The following CCNH variants were observed in gnomAD, a reference collection of about 807,000 sequenced individuals.
The protein encoded by CCNH is cyclin H.
A neutral mutation model predicts 41.9 loss-of-function variants in CCNH; 31 were observed. The ratio of observed to expected loss-of-function variants is 0.74; its 90% CI spans 0.56 to 1.00. The LOEUF is 1.00. Among genes scored for constraint, CCNH ranks in the 50% least tolerant of loss-of-function variants. The pLI is 0.00. For synonymous variants in CCNH, 138 were observed against 136.1 expected (o/e 1.01, Z -0.10); for missense variants, 362 against 388.4 (o/e 0.93, Z 0.57).
chr5:87,347,589 A>G (rs1758953418), intron 9 of CCNH, among the ~76,000 whole-genome samples: 1 of 152,008 alleles, frequency 6.6e-6, no homozygotes, highest in Non-Finnish European at 1.5e-5. Context: ...TATAGAGGTA[A>G]TCTGAATTGT....
At chr5:87,346,651 C>G in intron 9 of CCNH, 1 of 1,467,922 alleles carries the variant, frequency 6.8e-7, no homozygotes, top group Non-Finnish European at 9.5e-7. Flanking sequence ...ATTTATATAT[C>G]TAATTTATTC....
At chr5:87,374,459 A>ATTTTTTTTTTT (rs770426797), downstream of CCNH, 2 of 164,174 alleles carry the variant, frequency 1.2e-5, no homozygotes, top group African/African-American at 3.0e-5. Context: ...ATATATATAT[A>ATTTTTTTTTTT]TTTTTTTTTT....
At chr5:87,358,246 A>T (rs1219308624) in intron 9 of CCNH, among the ~76,000 whole-genome samples, 2 of 152,184 alleles carry the variant, frequency 1.3e-5, no homozygotes, top group Admixed American at 1.3e-4. Flanking sequence ...TTAGACAAAA[A>T]GGGTCCTTTT....
chr5:87,348,650 T>C, intron 9 of CCNH, among the ~76,000 whole-genome samples: 1 of 151,954 alleles, frequency 6.6e-6, no homozygotes. Flanking sequence ...ATTTTTTTTT[T>C]TTTAAGATGC....
At chr5:87,364,987 G>C (rs1760397504) in intron 9 of CCNH, among the ~76,000 whole-genome samples, 1 of 152,154 alleles carries the variant, frequency 6.6e-6, no homozygotes, top group Non-Finnish European at 1.5e-5. Context: ...ATGGATGTTG[G>C]AGAGGCAACA....
intron 1 of CCNH, among the ~76,000 whole-genome samples, chr5:87,412,176 C>T (rs1029266779): frequency 3.3e-5 from 5 of 152,192 alleles, no homozygotes; most frequent in Admixed American, 1.3e-4. Flanking sequence ...AAACGCCTCA[C>T]TTCCACTTAC....
intron 9 of CCNH, among the ~76,000 whole-genome samples, chr5:87,350,821 C>T (rs1026264964): frequency 6.6e-6 from 1 of 151,310 alleles, no homozygotes; most frequent in Non-Finnish European, 1.5e-5. Flanking sequence ...TTTATAAATT[C>T]ATCTTATTGT....
chr5:87,368,708 A>AT (rs1760710307), intron 9 of CCNH, among the ~76,000 whole-genome samples: 1 of 152,096 alleles, frequency 6.6e-6, no homozygotes, highest in Non-Finnish European at 1.5e-5. Flanking sequence ...TTTGTAGTTA[A>AT]TTTTTTAGCC....
chr5:87,411,271 A>G lies in CCNH; in HGVS notation c.193T>C (p.Leu65=), dbSNP rs140825596. ...GGCTTAAACACCGAACAGAATTCCAATAACCTTTTCTCATAGTATTTGCAG... is the reference window on the plus strand; with the variant it reads ...GGCTTAAACACCGAACAGAATTCCAGTAACCTTTTCTCATAGTATTTGCAG... ...TLCKYYEKRL[L]EFCSVFKPAM... Residue 65 remains leucine (L), a synonymous_variant, in exon 2 of 9, where the codon TTG becomes CTG. Coordinates refer to ENST00000256897, the MANE Select transcript of CCNH (RefSeq NM_001239.4). 353 of 1,613,008 alleles carry G rather than the reference A, an allele frequency of 2.2e-4. 1 individual carries two copies. The African/African-American group carries it at 4.2e-3, about 19-fold the overall frequency.
chr5:87,312,098 T>C, the CCNH span, among the ~76,000 whole-genome samples: 4 of 152,274 alleles, frequency 2.6e-5, no homozygotes, highest in Non-Finnish European at 4.4e-5. Flanking sequence ...AGATGATCAC[T>C]GCATGATGCA....
chr5:87,375,082 A>C (rs1275671359), downstream of CCNH, among the ~76,000 whole-genome samples: 1 of 152,196 alleles, frequency 6.6e-6, no homozygotes, highest in African/African-American at 2.4e-5. Context: ...TCAAGAAAGA[A>C]TATACCTAAG....
downstream of CCNH, chr5:87,393,638 C>CTACT (rs1466731790): frequency 4.6e-5 from 7 of 152,216 alleles, no homozygotes; most frequent in African/African-American, 9.6e-5. Context: ...CTGTTATAAT[C>CTACT]TACTTACACG....
intron 9 of CCNH, chr5:87,349,401 C>T (rs1396257120): frequency 6.2e-7 from 1 of 1,602,128 alleles, no homozygotes; most frequent in South Asian, 1.1e-5. Flanking sequence ...TTACTTTTCG[C>T]AAAAATAGTT....
At position 87,399,416 on chromosome 5, in the gene CCNH, C is replaced by T. The variant is rs1246258453; in HGVS notation, c.850G>A (p.Glu284Lys). 7 of 1,613,398 alleles carry T rather than the reference C, an allele frequency of 4.3e-6. No homozygotes were observed. Among genetic ancestry groups the T allele is most frequent in the Admixed American group, 1.7e-5 (1 of 60,022 alleles). Residue 284 changes from glutamate (E) to lysine (K), a missense_variant, in exon 7 of 9, where the codon GAG becomes AAG. By Grantham distance (56) the Glu-to-Lys change is moderately conservative. Coordinates refer to ENST00000256897, the MANE Select transcript of CCNH (RefSeq NM_001239.4). ...TACGTGATTACGTTAAGTGCAAGCT[C>T]AGCAGAATGACATCGCTCCAACTTC... is the stretch of plus-strand genomic sequence containing the variant. Reference protein sequence around the residue: ...KQKLERCHSAELALNVITKKR... With the variant: ...KQKLERCHSAKLALNVITKKR...
chr5:87,323,075 A>T (rs1756945443), intron 9 of CCNH, among the ~76,000 whole-genome samples: 1 of 152,204 alleles, frequency 6.6e-6, no homozygotes, highest in Non-Finnish European at 1.5e-5. Context: ...GATTGCTCTC[A>T]TAGAGGTTAT....
intron 9 of CCNH, among the ~76,000 whole-genome samples, chr5:87,347,432 C>T (rs1758942338): frequency 6.6e-6 from 1 of 151,940 alleles, no homozygotes; most frequent in Non-Finnish European, 1.5e-5. Flanking sequence ...AAATACCGAG[C>T]ATTTCTTTGG....
At chr5:87,346,435 A>G (rs1312378560) in intron 9 of CCNH, among the ~76,000 whole-genome samples, 2 of 151,918 alleles carry the variant, frequency 1.3e-5, no homozygotes, top group African/African-American at 2.4e-5. Flanking sequence ...CCATTTTTGT[A>G]TTGGTAATGA....
At position 87,385,288 on chromosome 5, in the gene CCNH, A is replaced by G. The variant is rs1761990605; in HGVS notation, c.*90+7482T>C. 1.4e-5 allele frequency: 22 copies of G among 1,573,276 alleles called. No individual in the cohort carries two copies. Among genetic ancestry groups the G allele is most frequent in the Non-Finnish European group, 1.8e-5 (21 of 1,143,534 alleles). The stretch of plus-strand genomic sequence containing the variant: ...GGACTTGGTGTCATTAGCTGTGCCC[A>G]ATTCTGTTACAGATTCTCCATCTCC... On this transcript the variant is annotated intron_variant and NMD_transcript_variant, in intron 9 of 9. Coordinates refer to the CCNH transcript ENST00000645953.
intron 9 of CCNH, among the ~76,000 whole-genome samples, chr5:87,324,446 T>C (rs1047251529): frequency 2.6e-5 from 4 of 152,252 alleles, no homozygotes; most frequent in Non-Finnish European, 5.9e-5. Context: ...GTGTAAACTT[T>C]GTATTCTCAA....
Sources: allele counts gnomAD v4.1 joint callset (sites outside exome capture counted in the v4.1 genomes callset), GRCh38; gene constraint gnomAD v4.1.1; transcripts MANE v1.5; gene names NCBI Gene and HGNC (gene_info 2026-07-23, HGNC 2026-07-21).